The following PPP2R2B variants were observed in gnomAD, a reference collection of about 807,000 sequenced individuals.
PPP2R2B encodes the protein protein phosphatase 2 regulatory subunit Bbeta, also known as serine/threonine-protein phosphatase 2A 55 kDa regulatory subunit B beta isoform.
In PPP2R2B, 5 loss-of-function variants were observed where a neutral mutation model predicts 46.0. That is an observed-to-expected ratio of 0.11 (90% CI 0.06 to 0.23). The LOEUF (loss-of-function observed/expected upper bound fraction) is 0.23. PPP2R2B is among the 10% of genes least tolerant of loss of function. The pLI, the probability that PPP2R2B is intolerant of heterozygous loss-of-function variation, is 1.00. For synonymous variants in PPP2R2B, 215 were observed against 206.7 expected (o/e 1.04, Z -0.34); for missense variants, 367 against 575.0 (o/e 0.64, Z 3.70).
chr5:146,897,107 G>A (rs1762669305), intron 1 of PPP2R2B, among the ~76,000 whole-genome samples: 1 of 152,158 alleles, frequency 6.6e-6, no homozygotes, highest in Admixed American at 6.5e-5. Flanking sequence ...TATAAAGAGG[G>A]TCATTAAGTG....
chr5:146,946,710 C>T (rs943334371), intron 1 of PPP2R2B, among the ~76,000 whole-genome samples: 23 of 152,030 alleles, frequency 1.5e-4, no homozygotes, highest in Non-Finnish European at 2.9e-5. Flanking sequence ...AACCAGAGGT[C>T]TTGAGGAAAT....
chr5:147,081,230 T>C (rs1757959804), intron 1 of PPP2R2B: 29 of 1,535,662 alleles, frequency 1.9e-5, no homozygotes, highest in Non-Finnish European at 2.4e-5. Context: ...GCAGAATCTA[T>C]GCATTTCTAA....
intron 2 of PPP2R2B, among the ~76,000 whole-genome samples, chr5:146,773,613 G>A (rs1037561860): frequency 1.3e-5 from 2 of 152,188 alleles, no homozygotes; most frequent in African/African-American, 2.4e-5. Flanking sequence ...GGATGATACA[G>A]AGCCTGAAGG....
At chr5:146,950,413 T>C (rs1764616244) in intron 1 of PPP2R2B, among the ~76,000 whole-genome samples, 1 of 152,056 alleles carries the variant, frequency 6.6e-6, no homozygotes, top group South Asian at 2.1e-4. Context: ...ACAGTTGTTC[T>C]ACTTATCCAA....
At chr5:146,828,054 G>A (rs1758689706) in intron 2 of PPP2R2B, among the ~76,000 whole-genome samples, 1 of 151,882 alleles carries the variant, frequency 6.6e-6, no homozygotes, top group African/African-American at 2.4e-5. Context: ...AGACAATCAT[G>A]TACGCTTTCT....
chr5:146,750,610 A>G (rs1738008753), intron 2 of PPP2R2B, among the ~76,000 whole-genome samples: 1 of 152,156 alleles, frequency 6.6e-6, no homozygotes, highest in East Asian at 1.9e-4. Flanking sequence ...GGAACACTTG[A>G]GCTCAGCATT....
chr5:146,920,138 C>A (rs1229436183), intron 1 of PPP2R2B, among the ~76,000 whole-genome samples: 1 of 152,074 alleles, frequency 6.6e-6, no homozygotes, highest in Non-Finnish European at 1.5e-5. Context: ...TACAAATAAT[C>A]CCTACATTAT....
chr5:146,606,292 C>T (rs1581698652), intron 7 of PPP2R2B, among the ~76,000 whole-genome samples: 1 of 152,138 alleles, frequency 6.6e-6, no homozygotes, highest in African/African-American at 2.4e-5. Flanking sequence ...GAACTCATGC[C>T]CATGTAGAGG....
chr5:146,921,087 C>T (rs922280927), intron 1 of PPP2R2B, among the ~76,000 whole-genome samples: 6 of 152,160 alleles, frequency 3.9e-5, no homozygotes, highest in Non-Finnish European at 7.3e-5. Context: ...AAAAACTATT[C>T]TAGAGTGAAT....
chr5:146,651,931 C>G (rs115332690), intron 5 of PPP2R2B, among the ~76,000 whole-genome samples: 1 of 152,080 alleles, frequency 6.6e-6, no homozygotes, highest in East Asian at 1.9e-4. Context: ...CTCACCTATG[C>G]GGGAGTTTTT....
rs917387218 is a variant in PPP2R2B, at chr5:146,707,005, G to A, written c.71-5863C>T. On this transcript the variant is annotated intron_variant, in intron 2 of 9. Coordinates refer to ENST00000394411, the MANE Select transcript of PPP2R2B (RefSeq NM_181675.4). ...CTCCAGCTCTACCTCGTTAATGTAA[G>A]CTTCATCCACATCCTTCTTGATGAG... 1.4e-4 allele frequency: 134 copies of A among 990,930 alleles called. No individual in the cohort carries two copies. The Admixed American group carries it at 2.2e-3, about 16-fold the overall frequency. The allele number at this position is 990,930 out of a possible 1,614,324, so 61.4% of individuals were successfully genotyped here. A position where few individuals can be genotyped will look rare whatever the true frequency, so the allele number is the denominator to read the frequency against.
chr5:146,705,984 AC>A (rs1779817214), intron 2 of PPP2R2B, among the ~76,000 whole-genome samples: 1 of 151,834 alleles, frequency 6.6e-6, no homozygotes, highest in East Asian at 1.9e-4. Context: ...GGACAGAAAA[AC>A]AAAACAAAAC....
chr5:147,001,459 A>G (rs1202599370), intron 1 of PPP2R2B, among the ~76,000 whole-genome samples: 3 of 152,164 alleles, frequency 2.0e-5, no homozygotes, highest in African/African-American at 7.2e-5. Flanking sequence ...TCACTCCTGA[A>G]GTCAGCAAGA....
At chr5:146,757,931 G>T (rs1034538011) in intron 2 of PPP2R2B, among the ~76,000 whole-genome samples, 14 of 152,154 alleles carry the variant, frequency 9.2e-5, no homozygotes, top group African/African-American at 3.4e-4. Flanking sequence ...CACCTTGAAG[G>T]CTTGGTCGCC....
At chr5:146,982,174 G>A (rs898350199) in intron 1 of PPP2R2B, among the ~76,000 whole-genome samples, 8 of 152,036 alleles carry the variant, frequency 5.3e-5, no homozygotes, top group Admixed American at 5.2e-4. Context: ...ACTGATTTGA[G>A]ATATTTTCTT....
chr5:146,706,299 A>T, intron 2 of PPP2R2B: 1 of 532,562 alleles, frequency 1.9e-6, no homozygotes, highest in Non-Finnish European at 3.5e-6. Flanking sequence ...GTGCGGCTGA[A>T]GGAGCTGGAA....
At chr5:147,013,206 T>C (rs1754829937) in intron 1 of PPP2R2B, among the ~76,000 whole-genome samples, 1 of 115,988 alleles carries the variant, frequency 8.6e-6, no homozygotes, top group Non-Finnish European at 2.1e-5. Context: ...GAAGGAGAAC[T>C]ACAAACCACT....
chr5:147,062,613 C>G (rs903932256), intron 2 of PPP2R2B, among the ~76,000 whole-genome samples: 1 of 152,062 alleles, frequency 6.6e-6, no homozygotes, highest in Admixed American at 6.6e-5. Context: ...TATTCCTTCC[C>G]TCAGGCTGTC....
At chr5:146,944,307 T>C (rs1289032352) in intron 1 of PPP2R2B, among the ~76,000 whole-genome samples, 1 of 152,090 alleles carries the variant, frequency 6.6e-6, no homozygotes, top group African/African-American at 2.4e-5. Flanking sequence ...TTTCATTAAT[T>C]GAAGGGAAGA....
Sources: allele counts gnomAD v4.1 joint callset (sites outside exome capture counted in the v4.1 genomes callset), GRCh38; gene constraint gnomAD v4.1.1; transcripts MANE v1.5; gene names NCBI Gene and HGNC (gene_info 2026-07-23, HGNC 2026-07-21).